Variants in SPAM1 observed in about 807,000 individuals in gnomAD.
SPAM1 encodes sperm adhesion molecule 1.
Under a neutral mutation model 29.6 loss-of-function variants are expected in SPAM1, and 22 were observed. The ratio of observed to expected loss-of-function variants is 0.74; its 90% CI spans 0.53 to 1.06. The LOEUF (loss-of-function observed/expected upper bound fraction) is 1.06. SPAM1 is among the 50% of genes least tolerant of loss of function. SPAM1 has a pLI of 0.00. For missense variants in SPAM1, 534 were observed against 604.0 expected (o/e 0.88, Z 1.21); for synonymous variants, 194 against 204.6 (o/e 0.95, Z 0.44).
chr7:123,931,141 C>A (rs1332084501), intron 1 of SPAM1, among the ~76,000 whole-genome samples: 1 of 152,072 alleles, frequency 6.6e-6, no homozygotes, highest in Non-Finnish European at 1.5e-5. Flanking sequence ...AAAGTAATAC[C>A]CCATAATGAA....
At chr7:123,926,211 T>A (rs936897123) in intron 1 of SPAM1, 2 of 152,216 alleles carry the variant, frequency 1.3e-5, no homozygotes, top group African/African-American at 4.8e-5. Flanking sequence ...CATAATTGAC[T>A]ATTCCCCTAC....
downstream of SPAM1, chr7:123,960,120 G>A (rs1285942504): frequency 1.4e-5 from 16 of 1,126,952 alleles, no homozygotes; most frequent in Non-Finnish European, 2.0e-5. Flanking sequence ...GATTTTCTTT[G>A]AACTTGACAA....
rs1388615368 is a variant in SPAM1 at position 123,949,954 on chromosome 7, G to T, written c.-236G>T. ...CTTGATAACTACTGAAGAGACATTG[G>T]GTGGCTGGATTTTGAAAGCAGACTT... is the stretch of plus-strand genomic sequence containing the variant. On this transcript the variant is annotated 5_prime_UTR_variant, in exon 2 of 5. Coordinates refer to ENST00000682466, the MANE Select transcript of SPAM1 (RefSeq NM_153189.3). 6.6e-6 allele frequency: 1 copy of T among 151,840 alleles called. No individual in the cohort carries two copies. The highest frequency in any genetic ancestry group is 6.6e-5 in the Admixed American group (1 of 15,204). 9.4% of individuals were successfully genotyped at this position (151,840 alleles called of 1,614,324 possible).
chr7:123,969,793 C>G (rs1206840653), intron 5 of SPAM1, among the ~76,000 whole-genome samples: 5 of 149,410 alleles, frequency 3.3e-5, no homozygotes, highest in East Asian at 2.0e-4. Flanking sequence ...TTTTTTTTGA[C>G]TCACCCAGAT....
intron 5 of SPAM1, among the ~76,000 whole-genome samples, chr7:123,965,358 C>T (rs189129976): frequency 1.3e-5 from 2 of 152,080 alleles, no homozygotes; most frequent in African/African-American, 4.8e-5. Context: ...TTGGCATTTT[C>T]GTCATGATAT....
At chr7:123,970,873 C>T (rs990829940) in intron 6 of SPAM1, 1 of 151,938 alleles carries the variant, frequency 6.6e-6, no homozygotes, top group Non-Finnish European at 1.5e-5. Flanking sequence ...TTTTCCAATT[C>T]ATAAGATATT....
intron 2 of SPAM1, among the ~76,000 whole-genome samples, chr7:123,950,925 T>A (rs1808740906): frequency 6.6e-6 from 1 of 152,114 alleles, no homozygotes; most frequent in Non-Finnish European, 1.5e-5. Context: ...GACAACATTT[T>A]TTTTGACTTT....
At chr7:123,960,729 C>T (rs1005436758), downstream of SPAM1, among the ~76,000 whole-genome samples, 10 of 151,754 alleles carry the variant, frequency 6.6e-5, no homozygotes, top group Admixed American at 6.6e-5. Context: ...CAAATCCATT[C>T]GGCTAGGTAC....
chr7:123,968,288 G>T (rs1792454374), intron 5 of SPAM1, among the ~76,000 whole-genome samples: 3 of 152,030 alleles, frequency 2.0e-5, no homozygotes, highest in Non-Finnish European at 4.4e-5. Flanking sequence ...TCTAGAAAAG[G>T]GGTGGTAACG....
rs767461162 is a variant in SPAM1 at position 123,953,556 on chromosome 7, T to G, written c.-15T>G. 21 of 1,517,426 alleles carry G rather than the reference T, an allele frequency of 1.4e-5. No individual in the cohort carries two copies. Among genetic ancestry groups the G allele is most frequent in the Non-Finnish European group, 1.8e-5 (20 of 1,118,622 alleles). 94.0% of individuals were successfully genotyped at this position (1,517,426 alleles called of 1,614,324 possible). ...TAGGAAGAAATAAATGTTTTCATAG[T>G]CATTACTCTTTACAATGGGAGTGCT... On this transcript the variant is annotated 5_prime_UTR_variant, in exon 3 of 5. Transcript: ENST00000682466.
At chr7:123,939,449 A>G (rs1040017347) in intron 1 of SPAM1, among the ~76,000 whole-genome samples, 1 of 152,180 alleles carries the variant, frequency 6.6e-6, no homozygotes, top group African/African-American at 2.4e-5. Context: ...ACGCTTGCCT[A>G]CGAAAGACAT....
chr7:123,961,329 C>T (rs182897585), downstream of SPAM1, among the ~76,000 whole-genome samples: 4 of 152,072 alleles, frequency 2.6e-5, no homozygotes, highest in Admixed American at 2.6e-4. Context: ...TCCTCCCATC[C>T]TTCCTACTCT....
intron 1 of SPAM1, among the ~76,000 whole-genome samples, chr7:123,945,953 C>CA (rs1340239773): frequency 1.3e-5 from 2 of 151,802 alleles, no homozygotes; most frequent in African/African-American, 4.8e-5. Flanking sequence ...GAACAAACAA[C>CA]AAAAAACCCC....
downstream of SPAM1, among the ~76,000 whole-genome samples, chr7:123,961,395 C>A (rs932124183): frequency 2.5e-4 from 38 of 152,072 alleles, no homozygotes; most frequent in African/African-American, 6.3e-4. Flanking sequence ...TTAGCTCTCA[C>A]ATATGAGTGA....
chr7:123,955,280 T>A (rs547411204), intron 4 of SPAM1, among the ~76,000 whole-genome samples, 194 bp downstream of exon 4: 23 of 152,096 alleles, frequency 1.5e-4, no homozygotes, highest in African/African-American at 5.3e-4. Context: ...CATTTTCCAG[T>A]GGGGAAATAG....
chr7:123,934,600 C>T (rs1435633404), intron 1 of SPAM1, among the ~76,000 whole-genome samples: 2 of 151,774 alleles, frequency 1.3e-5, no homozygotes, highest in African/African-American at 2.4e-5. Context: ...AAGCATCCAT[C>T]AGTGGATGAA....
chr7:123,968,920 A>AT (rs1792463239), intron 5 of SPAM1, among the ~76,000 whole-genome samples: 1 of 152,008 alleles, frequency 6.6e-6, no homozygotes, highest in African/African-American at 2.4e-5. Context: ...TTCAGCTCAT[A>AT]TTTTTTGATT....
chr7:123,958,768 G>A (rs1365809748), intron 4 of SPAM1, among the ~76,000 whole-genome samples: 1 of 151,588 alleles, frequency 6.6e-6, no homozygotes, highest in Non-Finnish European at 1.5e-5. Context: ...GGAGATCAAA[G>A]GTGCAGTGAG....
intron 1 of SPAM1, among the ~76,000 whole-genome samples, chr7:123,936,093 G>A (rs889759553): frequency 3.9e-5 from 6 of 152,230 alleles, no homozygotes; most frequent in Non-Finnish European, 7.3e-5. Flanking sequence ...CTACTTAAGT[G>A]AAATTTAGTT....
Sources: allele counts gnomAD v4.1 joint callset (sites outside exome capture counted in the v4.1 genomes callset), GRCh38; gene constraint gnomAD v4.1.1; transcripts MANE v1.5; gene names NCBI Gene and HGNC (gene_info 2026-07-23, HGNC 2026-07-21).